ATOX1: variants seen among roughly 807,000 people sequenced by gnomAD.
The protein encoded by ATOX1 is antioxidant 1 copper chaperone.
ATOX1 carries 4 observed loss-of-function variants against 7.3 expected under a neutral mutation model. The observed-to-expected ratio is 0.55, with a 90% CI of 0.27 to 1.25. ATOX1 has a LOEUF of 1.25. Among genes scored for constraint, ATOX1 ranks in the 50% most tolerant of loss-of-function variants. ATOX1 has a pLI of 0.12. For missense variants in ATOX1, 68 were observed against 81.6 expected (o/e 0.83, Z 0.64); for synonymous variants, 25 against 28.7 (o/e 0.87, Z 0.41).
Position 151,755,074 on chromosome 5 carries a change from T to C in ATOX1, c.7-3295A>G, listed in dbSNP as rs149147798. 6.8e-4 allele frequency among the ~76,000 whole-genome samples: 104 copies of C among 151,830 alleles called. 1 individual carries two copies. In the East Asian group the frequency reaches 0.01, roughly 15 times the overall value. ...GCACTAGAATGGCAGAGTTGAGTAGTTGTACCAGAGACCCTATGGTTTGTG... is the reference window on the plus strand; with the variant it reads ...GCACTAGAATGGCAGAGTTGAGTAGCTGTACCAGAGACCCTATGGTTTGTG... On this transcript the variant is annotated intron_variant, in intron 1 of 3. Transcript: ENST00000313115.
chr5:151,746,538 C>A, intron 2 of ATOX1, 89 bp from the exon 3 acceptor site: 1 of 1,545,700 alleles, frequency 6.5e-7, no homozygotes. Flanking sequence ...AATTACTACT[C>A]ACAACCACCC....
chr5:151,746,577 C>G, intron 2 of ATOX1, 128 bp from the exon 3 acceptor site: 6 of 1,260,280 alleles, frequency 4.8e-6, no homozygotes, highest in Non-Finnish European at 6.6e-6. Flanking sequence ...CAGGGATCGG[C>G]AAACTTCTTC....
chr5:151,746,351 T>G lies in ATOX1; in HGVS notation c.181A>C (p.Thr61Pro). 1 of 1,613,864 alleles carries G rather than the reference T, an allele frequency of 6.2e-7. No individual in the cohort carries two copies. ...LLATLKKTGK[T>P]VSYLGLE ...TACTCAAGGCCAAGGTAGGAAACAG[T>G]CTTTCCTGTTTTCTTCAGGGTTGCA... Residue 61 changes from threonine to proline, a missense_variant, in exon 3 of 4, where the codon ACT becomes CCT. Thr to Pro is a conservative substitution (Grantham distance 38). Transcript: ENST00000313115.
chr5:151,757,903 T>G (rs554798380), intron 1 of ATOX1, among the ~76,000 whole-genome samples: 9 of 152,336 alleles, frequency 5.9e-5, no homozygotes, highest in South Asian at 2.1e-4. Context: ...CTGAGTGATC[T>G]GCAAAGGCAG....
intron 1 of ATOX1, among the ~76,000 whole-genome samples, chr5:151,754,639 A>G (rs2113185802): frequency 6.6e-6 from 1 of 152,224 alleles, no homozygotes; most frequent in South Asian, 2.1e-4. Context: ...GCTCTGGAAC[A>G]TGGATTGGCA....
At chr5:151,746,625 G>T (rs184011302) in intron 2 of ATOX1, 176 bp from the exon 3 acceptor site, 1 of 689,050 alleles carries the variant, frequency 1.5e-6, no homozygotes, top group Admixed American at 2.8e-5. Context: ...AGGCATTGTG[G>T]GTCACATATA....
chr5:151,751,870 AAGAC>A (rs1420764052), intron 1 of ATOX1, 91 bp from the exon 2 acceptor site: 2 of 1,311,408 alleles, frequency 1.5e-6, no homozygotes, highest in Non-Finnish European at 2.1e-6. Context: ...GTCAAGACAG[AAGAC>A]AGAGAGACTG....
rs777847774 is a variant in ATOX1, at chr5:151,746,310, G to A, written c.*15C>T. 3.1e-6 allele frequency: 5 copies of A among 1,612,230 alleles called. No individual in the cohort carries two copies. The highest frequency in any genetic ancestry group is 4.2e-6 in the Non-Finnish European group (5 of 1,179,390). On this transcript the variant is annotated 3_prime_UTR_variant, in exon 3 of 4. Transcript: ENST00000313115. ...CCTTTGGTCCATCCTGTGGGCTGTG[G>A]GGACCAGGCCCCTGCTACTCAAGGC...
chr5:151,747,733 C>T (rs369075351), intron 2 of ATOX1, among the ~76,000 whole-genome samples: 1 of 152,168 alleles, frequency 6.6e-6, no homozygotes, highest in African/African-American at 2.4e-5. Context: ...GGATTACAGG[C>T]ATGAGCCACC....
At chr5:151,746,165 A>C in intron 3 of ATOX1, 114 bp downstream of exon 3, 1 of 949,364 alleles carries the variant, frequency 1.1e-6, no homozygotes, top group East Asian at 2.8e-5. Context: ...CAGTGGATTG[A>C]AAAGAACCCA....
At chr5:151,751,874 CAG>C in intron 1 of ATOX1, 95 bp from the exon 2 acceptor site, 1 of 1,257,906 alleles carries the variant, frequency 7.9e-7, no homozygotes, top group Non-Finnish European at 1.1e-6. Flanking sequence ...AGACAGAAGA[CAG>C]AGAGACTGGG....
intron 2 of ATOX1, among the ~76,000 whole-genome samples, chr5:151,746,996 A>G (rs1004081745): frequency 2.0e-5 from 3 of 151,356 alleles, no homozygotes; most frequent in African/African-American, 7.3e-5. Context: ...GGCCTCCCAA[A>G]GTGCTGGGAG....
chr5:151,758,561 AGCGGCGGTGTGGCGGCGGTGTG>A lies in ATOX1; in HGVS notation c.-32_-11del, dbSNP rs535615249. 2.8e-4 allele frequency: 406 copies of A among 1,427,076 alleles called. No individual in the cohort carries two copies. The highest frequency in any genetic ancestry group is 3.5e-4 in the Non-Finnish European group (376 of 1,085,712). The allele number at this position is 1,427,076 out of a possible 1,614,324, so 88.4% of individuals were successfully genotyped here. On this transcript the variant is annotated 5_prime_UTR_variant, in exon 1 of 4. Transcript: ENST00000313115. Reference sequence around the variant, plus strand: ...AACCACTCACCGGCATGACTGAGGCAGCGGCGGTGTGGCGGCGGTGTGGCGGCGGTGTCAGCAGCGCCTCTCT... The same window carrying A: ...AACCACTCACCGGCATGACTGAGGCAGCGGCGGTGTCAGCAGCGCCTCTCT...
At chr5:151,755,468 C>G (rs1484765746) in intron 1 of ATOX1, among the ~76,000 whole-genome samples, 1 of 152,140 alleles carries the variant, frequency 6.6e-6, no homozygotes, top group Non-Finnish European at 1.5e-5. Flanking sequence ...CTTGCTGGTT[C>G]TGGAAAAGCA....
At position 151,746,424 on chromosome 5, in the gene ATOX1, G is replaced by A; in HGVS notation, c.108C>T (p.Pro36=). The A allele has an allele frequency of 1.2e-6, 2 of 1,613,832 alleles. No homozygotes were observed. Among genetic ancestry groups the A allele is most frequent in the Non-Finnish European group, 1.7e-6 (2 of 1,179,792 alleles). The change falls in exon 3 of 4, where the codon CCC becomes CCT. Residue 36 remains proline (P), a synonymous_variant. Transcript: ENST00000313115. ...CAGATTCAATGCAGACCTTCTTGTT[G>A]GGCAGGTCAATGTCATACTTAACTC... ...LGGVKYDIDL[P]NKKVCIESEH...
chr5:151,758,152 C>T (rs1299521247), intron 1 of ATOX1, among the ~76,000 whole-genome samples: 1 of 152,268 alleles, frequency 6.6e-6, no homozygotes, highest in Non-Finnish European at 1.5e-5. Context: ...AGAGCCTCCC[C>T]ACCGCCCTCC....
intron 2 of ATOX1, among the ~76,000 whole-genome samples, chr5:151,748,121 A>T (rs1487564391): frequency 6.6e-6 from 1 of 152,170 alleles, no homozygotes; most frequent in African/African-American, 2.4e-5. Context: ...TTGAATGTTT[A>T]ATAGACATTG....
Position 151,758,596 on chromosome 5 carries a change from G to A in ATOX1, c.-45C>T, listed in dbSNP as rs1762045530. ...TGGCGGCGGTGTGGCGGCGGTGTCA[G>A]CAGCGCCTCTCTGGATTCGGAGGGC... On this transcript the variant is annotated 5_prime_UTR_variant, in exon 1 of 4. Transcript: ENST00000313115. 7.2e-7 allele frequency: 1 copy of A among 1,392,724 alleles called. No individual in the cohort carries two copies. Among genetic ancestry groups the A allele is most frequent in the African/African-American group, 1.5e-5 (1 of 66,676 alleles). 86.3% of individuals were successfully genotyped at this position (1,392,724 alleles called of 1,614,324 possible).
chr5:151,746,665 T>C (rs975730099), intron 2 of ATOX1: 6 of 503,328 alleles, frequency 1.2e-5, no homozygotes, highest in African/African-American at 1.2e-4. Context: ...TGTATTTTTT[T>C]TATAACTCTA....
Sources: gnomAD v4.1 joint callset for allele counts (sites outside exome capture counted in the v4.1 genomes callset) on GRCh38, gnomAD v4.1.1 for gene constraint, MANE v1.5 for transcripts, NCBI Gene and HGNC (gene_info 2026-07-23, HGNC 2026-07-21) for gene names.